Variants in PDE4D observed in about 807,000 individuals in gnomAD.
PDE4D encodes phosphodiesterase 4D.
Under a neutral mutation model 87.4 loss-of-function variants are expected in PDE4D, and 24 were observed. The observed-to-expected ratio is 0.27, with a 90% confidence interval of 0.20 to 0.39. PDE4D has a LOEUF of 0.39. PDE4D is among the 10% of genes least tolerant of loss of function. PDE4D has a pLI of 1.00. For synonymous variants in PDE4D, 384 were observed against 383.2 expected (o/e 1.00, Z -0.02); for missense variants, 714 against 1,041.0 (o/e 0.69, Z 4.32).
chr5:60,368,837 A>G (rs1760775673), intron 1 of PDE4D, among the ~76,000 whole-genome samples: 1 of 151,772 alleles, frequency 6.6e-6, no homozygotes, highest in Non-Finnish European at 1.5e-5. Context: ...CTTGCCTTCC[A>G]CTATGATTGT....
intron 1 of PDE4D, among the ~76,000 whole-genome samples, chr5:59,604,425 A>G (rs1827913867): frequency 1.3e-5 from 2 of 152,066 alleles, no homozygotes; most frequent in South Asian, 4.1e-4. Context: ...TAGGGAAGCA[A>G]GAAAACAGCA....
chr5:59,244,680 CTGTGTGTGTG>C (rs369829189), intron 1 of PDE4D, among the ~76,000 whole-genome samples: 73 of 120,054 alleles, frequency 6.1e-4, no homozygotes, highest in Admixed American at 1.5e-3. Context: ...GTGTGTGTGT[CTGTGTGTGTG>C]TGTGTGTGTG....
At chr5:59,635,771 C>T (rs1832160091) in intron 1 of PDE4D, among the ~76,000 whole-genome samples, 1 of 152,140 alleles carries the variant, frequency 6.6e-6, no homozygotes, top group South Asian at 2.1e-4. Flanking sequence ...AACCCACAGC[C>T]AACAACATAC....
chr5:59,319,974 A>C (rs974067723), intron 1 of PDE4D, among the ~76,000 whole-genome samples: 1 of 152,112 alleles, frequency 6.6e-6, no homozygotes, highest in Non-Finnish European at 1.5e-5. Context: ...TCTCTGCACC[A>C]TTTCTAAAGC....
chr5:59,182,866 A>G (rs2409629), intron 4 of PDE4D, among the ~76,000 whole-genome samples: 62,236 of 152,080 alleles, frequency 0.41, 13,268 homozygotes, highest in African/African-American at 0.51. Context: ...AGAAGCAGTA[A>G]TGTGTTAACA....
intron 1 of PDE4D, among the ~76,000 whole-genome samples, chr5:59,741,578 G>A (rs1468313259): frequency 6.6e-6 from 1 of 152,024 alleles, no homozygotes; most frequent in East Asian, 1.9e-4. Context: ...AAAATTTCAC[G>A]TATTTTCTTC....
chr5:59,738,139 ATTAT>A (rs1250647582), intron 1 of PDE4D, among the ~76,000 whole-genome samples: 3 of 152,176 alleles, frequency 2.0e-5, no homozygotes, highest in Admixed American at 1.3e-4. Flanking sequence ...TGGGACAATT[ATTAT>A]TTAAATAAAT....
At chr5:60,442,567 A>G (rs900446606) in intron 1 of PDE4D, among the ~76,000 whole-genome samples, 2 of 152,130 alleles carry the variant, frequency 1.3e-5, no homozygotes, top group Admixed American at 1.3e-4. Flanking sequence ...CATGTATCCC[A>G]GAAATTAAAG....
rs17719258 is a variant in PDE4D at position 58,973,413 on chromosome 5, T to A, written c.*1251A>T. On this transcript the variant is annotated 3_prime_UTR_variant, in exon 15 of 15. Coordinates refer to ENST00000340635, the MANE Select transcript of PDE4D (RefSeq NM_001104631.2). ...ACAAGGGGAAAAACCTTTTTCTTAC[T>A]ATAACTGGCTGTAAAAACAATAAAA... 1 of 150,126 alleles carries A rather than the reference T, an allele frequency of 6.7e-6. No homozygotes were observed. Among genetic ancestry groups the A allele is most frequent in the Non-Finnish European group, 1.5e-5 (1 of 66,444 alleles). 9.3% of individuals were successfully genotyped at this position (150,126 alleles called of 1,614,324 possible).
intron 1 of PDE4D, among the ~76,000 whole-genome samples, chr5:59,226,846 G>A (rs1250995859): frequency 1.3e-5 from 2 of 149,016 alleles, no homozygotes. Context: ...AATGGGAAGC[G>A]GAAAGTGTCT....
chr5:60,089,929 G>C (rs951039054), intron 2 of PDE4D, among the ~76,000 whole-genome samples: 2 of 150,738 alleles, frequency 1.3e-5, no homozygotes, highest in Non-Finnish European at 3.0e-5. Flanking sequence ...AAAAGAAATG[G>C]ATGAATTTCT....
intron 2 of PDE4D, among the ~76,000 whole-genome samples, chr5:60,127,226 G>A (rs1056858080): frequency 6.6e-6 from 1 of 152,294 alleles, no homozygotes; most frequent in African/African-American, 2.4e-5. Context: ...AAGGCAGAAA[G>A]GAGGCTGGAG....
intron 1 of PDE4D, among the ~76,000 whole-genome samples, chr5:60,302,497 G>T (rs559822725): frequency 2.0e-5 from 3 of 152,152 alleles, no homozygotes; most frequent in African/African-American, 7.2e-5. Context: ...TTGAATTTCT[G>T]TGGAGTCAGT....
At chr5:59,685,550 G>T (rs747657033) in intron 1 of PDE4D, among the ~76,000 whole-genome samples, 13 of 152,070 alleles carry the variant, frequency 8.5e-5, no homozygotes, top group Non-Finnish European at 1.3e-4. Flanking sequence ...TTTGAAAGCA[G>T]AAAAACAAAG....
intron 3 of PDE4D, among the ~76,000 whole-genome samples, chr5:59,959,204 C>T (rs1388322218): frequency 6.6e-6 from 1 of 151,844 alleles, no homozygotes; most frequent in Non-Finnish European, 1.5e-5. Flanking sequence ...AAATAAATGA[C>T]ACATGATAGA....
chr5:59,733,651 A>C (rs1385481658), intron 1 of PDE4D, among the ~76,000 whole-genome samples: 2 of 152,096 alleles, frequency 1.3e-5, no homozygotes, highest in African/African-American at 4.8e-5. Flanking sequence ...CTATTTTACC[A>C]AGATTCAAAA....
intron 5 of PDE4D, among the ~76,000 whole-genome samples, chr5:59,104,696 G>A (rs966655877): frequency 1.1e-4 from 16 of 152,012 alleles, no homozygotes; most frequent in African/African-American, 3.4e-4. Flanking sequence ...GGAGGGAAGG[G>A]GAGGGAGGAA....
intron 1 of PDE4D, among the ~76,000 whole-genome samples, chr5:59,545,716 T>C (rs933375639): frequency 6.6e-6 from 1 of 152,184 alleles, no homozygotes; most frequent in Non-Finnish European, 1.5e-5. Context: ...CAAAGTGCTC[T>C]CCGCATGAAA....
At chr5:59,356,727 C>A (rs1459805260) in intron 1 of PDE4D, 3 of 1,555,882 alleles carry the variant, frequency 1.9e-6, no homozygotes, top group Non-Finnish European at 2.6e-6. Context: ...TTAAACAATT[C>A]TTCCTAGCTA....
Sources: gnomAD v4.1 joint callset for allele counts (sites outside exome capture counted in the v4.1 genomes callset) on GRCh38, gnomAD v4.1.1 for gene constraint, MANE v1.5 for transcripts, NCBI Gene and HGNC (gene_info 2026-07-23, HGNC 2026-07-21) for gene names.